Variants in MACROD2 observed in about 807,000 individuals in gnomAD.
MACROD2 encodes ADP-ribose glycohydrolase MACROD2.
A neutral mutation model predicts 70.4 loss-of-function variants in MACROD2; 36 were observed. That is an observed-to-expected ratio of 0.51 (90% CI 0.39 to 0.68). MACROD2 has a LOEUF of 0.68. MACROD2 is among the 30% of genes least tolerant of loss of function. MACROD2 has a pLI of 0.00. For missense variants in MACROD2, 496 were observed against 538.4 expected (o/e 0.92, Z 0.78); for synonymous variants, 172 against 178.8 (o/e 0.96, Z 0.30).
intron 5 of MACROD2, among the ~76,000 whole-genome samples, chr20:14,782,680 C>T (rs1352689080): frequency 1.3e-5 from 2 of 152,070 alleles, no homozygotes; most frequent in South Asian, 2.1e-4. Context: ...ACAGGGTTGG[C>T]GGAGGCCTGG....
At chr20:15,484,116 C>T (rs1223788708) in intron 7 of MACROD2, among the ~76,000 whole-genome samples, 1 of 146,238 alleles carries the variant, frequency 6.8e-6, no homozygotes, top group Non-Finnish European at 1.5e-5. Flanking sequence ...CTAGGACCTC[C>T]ATTGTGATGC....
In MACROD2 at chr20:14,896,413, A is replaced by G. The variant is rs369715907; in HGVS notation, c.418+211454A>G. On this transcript the variant is annotated intron_variant, in intron 5 of 17. Transcript: ENST00000684519. ...AGTCATTATCCTTGCTTTTAAAAAA[A>G]ATGTTAGAATTCCTTTTTCTCAAAA... Among the ~76,000 whole-genome samples the G allele has an allele frequency of 3.9e-4, 60 of 152,338 alleles. No individual in the cohort carries two copies. The South Asian group carries it at 0.011, about 27-fold the overall frequency.
chr20:14,027,240 T>C (rs1261820127), intron 2 of MACROD2, among the ~76,000 whole-genome samples: 2 of 152,170 alleles, frequency 1.3e-5, no homozygotes, highest in East Asian at 3.9e-4. Flanking sequence ...TTTCTTCCGC[T>C]TGATCGATTC....
At chr20:14,489,303 A>G (rs374086073) in intron 3 of MACROD2, among the ~76,000 whole-genome samples, 18 of 152,290 alleles carry the variant, frequency 1.2e-4, no homozygotes, top group African/African-American at 4.3e-4. Flanking sequence ...TGATAGCTGT[A>G]TTTGTCTGCG....
intron 5 of MACROD2, among the ~76,000 whole-genome samples, chr20:15,046,047 G>T (rs541684293): frequency 2.0e-5 from 3 of 151,872 alleles, no homozygotes; most frequent in Non-Finnish European, 2.9e-5. Context: ...TCATCTGTAC[G>T]CTCAAGGCTT....
intron 7 of MACROD2, among the ~76,000 whole-genome samples, chr20:15,461,869 T>C (rs570517008): frequency 1.3e-5 from 2 of 152,334 alleles, no homozygotes; most frequent in Non-Finnish European, 2.9e-5. Flanking sequence ...ATTCAAGGTG[T>C]AAATGGAGCC....
At chr20:15,868,603 C>CTTTTT (rs5840688) in intron 9 of MACROD2, among the ~76,000 whole-genome samples, 1 of 135,566 alleles carries the variant, frequency 7.4e-6, no homozygotes, top group Non-Finnish European at 1.6e-5. Context: ...TAATACTTTT[C>CTTTTT]TTTTTTTTTT....
intron 7 of MACROD2, among the ~76,000 whole-genome samples, chr20:15,486,440 A>G (rs1052845802): frequency 6.6e-6 from 1 of 152,202 alleles, no homozygotes; most frequent in Non-Finnish European, 1.5e-5. Context: ...GTAGGGGAGC[A>G]AAATGCTTGT....
intron 8 of MACROD2, among the ~76,000 whole-genome samples, chr20:15,826,782 G>A (rs575399966): frequency 8.5e-5 from 13 of 152,286 alleles, no homozygotes; most frequent in African/African-American, 2.9e-4. Flanking sequence ...GTGACGTGAA[G>A]CTTATCTTTG....
At chr20:15,959,855 T>TA (rs11475715) in intron 12 of MACROD2, among the ~76,000 whole-genome samples, 3,233 of 150,790 alleles carry the variant, frequency 0.021, 95 homozygotes, top group African/African-American at 0.067. Flanking sequence ...GTACTATTTG[T>TA]AAAAAAAAAC....
rs141918880 is a variant in MACROD2 at position 14,970,576 on chromosome 20, T to C, written c.419-259364T>C. On this transcript the variant is annotated intron_variant, in intron 5 of 17. Transcript: ENST00000684519. The stretch of plus-strand genomic sequence containing the variant: ...GGTTTGTATTCATATTCATGTTGTA[T>C]GAAAACTATGAATAATGTCTTTATT... Among the ~76,000 whole-genome samples, 436 of 152,328 alleles carry C rather than the reference T, an allele frequency of 2.9e-3. 2 individuals are homozygous for C. The highest frequency in any genetic ancestry group is 4.3e-3 in the Non-Finnish European group (293 of 68,018).
Position 15,472,653 on chromosome 20 carries a change from T to G in MACROD2, c.572-27121T>G, listed in dbSNP as rs369291823. 8.5e-5 allele frequency among the ~76,000 whole-genome samples: 13 copies of G among 152,294 alleles called. No homozygotes were observed. In the East Asian group the frequency reaches 2.3e-3, roughly 27 times the overall value. On this transcript the variant is annotated intron_variant, in intron 7 of 17. Transcript: ENST00000684519. ...CAGCCTTTTTTCTCTCCACATCTGT[T>G]GAATATTTCCCACCTTTTCCCCTCT...
chr20:15,696,678 G>GTTTTTTT (rs374403186), intron 8 of MACROD2, among the ~76,000 whole-genome samples: 6 of 88,736 alleles, frequency 6.8e-5, no homozygotes, highest in East Asian at 3.6e-4. Context: ...TAGTCCTGGA[G>GTTTTTTT]TTTTTTTTTT....
intron 5 of MACROD2, chr20:14,892,827 T>TGCCA (rs925675769): frequency 1.3e-5 from 2 of 152,108 alleles, no homozygotes; most frequent in Admixed American, 1.3e-4. Flanking sequence ...TACAGGTGTA[T>TGCCA]GCCACCACTC....
intron 7 of MACROD2, among the ~76,000 whole-genome samples, chr20:15,490,506 C>G (rs960607383): frequency 2.6e-5 from 4 of 152,076 alleles, no homozygotes; most frequent in African/African-American, 9.7e-5. Flanking sequence ...AGCAATCCTC[C>G]TGCCAAAACA....
At position 14,228,775 on chromosome 20, in the gene MACROD2, A is replaced by G. The variant is rs140476831; in HGVS notation, c.271+143047A>G. Among the ~76,000 whole-genome samples the G allele has an allele frequency of 2.6e-3, 393 of 152,250 alleles. 3 individuals carry two copies. The highest frequency in any genetic ancestry group is 8.0e-3 in the African/African-American group (334 of 41,574). On this transcript the variant is annotated intron_variant, in intron 3 of 17. Coordinates refer to ENST00000684519, the MANE Select transcript of MACROD2 (RefSeq NM_001351661.2). ...GTAATCCCAGCACTTTCAGAGGCCA[A>G]CGGGTGGTTTACTTGAGGCCAGGAG...
At chr20:14,951,879 T>G (rs2074478816) in intron 5 of MACROD2, among the ~76,000 whole-genome samples, 1 of 151,550 alleles carries the variant, frequency 6.6e-6, no homozygotes, top group Non-Finnish European at 1.5e-5. Context: ...TGACAGAGGA[T>G]AAAGTGTCCT....
chr20:15,666,984 A>G (rs2049907424), intron 8 of MACROD2, among the ~76,000 whole-genome samples: 2 of 152,120 alleles, frequency 1.3e-5, no homozygotes, highest in South Asian at 4.1e-4. Context: ...AATTTGCTGT[A>G]TTTTTGTTTT....
intron 8 of MACROD2, among the ~76,000 whole-genome samples, chr20:15,795,498 G>A (rs1328422830): frequency 1.3e-5 from 2 of 152,048 alleles, no homozygotes; most frequent in South Asian, 2.1e-4. Flanking sequence ...GAAATAACAA[G>A]AATGCCACTG....
Sources: allele counts gnomAD v4.1 joint callset (sites outside exome capture counted in the v4.1 genomes callset), GRCh38; gene constraint gnomAD v4.1.1; transcripts MANE v1.5; gene names NCBI Gene and HGNC (gene_info 2026-07-23, HGNC 2026-07-21).